Variants in SLC7A10 observed in about 807,000 individuals in gnomAD.
SLC7A10 encodes asc-type amino acid transporter 1.
In SLC7A10, 30 loss-of-function variants were observed where a neutral mutation model predicts 52.7. That is an observed-to-expected ratio of 0.57 (90% CI 0.43 to 0.77). SLC7A10 has a LOEUF of 0.77. SLC7A10 is among the 30% of genes least tolerant of loss of function. The pLI is 0.00. For missense variants in SLC7A10, 581 were observed against 698.5 expected (o/e 0.83, Z 1.90); for synonymous variants, 318 against 314.9 (o/e 1.01, Z -0.10).
At position 33,209,371 on chromosome 19, in the gene SLC7A10, C is replaced by A. The variant is rs369452097; in HGVS notation, c.1378G>T (p.Val460Leu). The A allele has an allele frequency of 6.2e-7, 1 of 1,614,010 alleles. No individual in the cohort carries two copies. The highest frequency in any genetic ancestry group is 8.5e-7 in the Non-Finnish European group (1 of 1,180,002). Residue 460 changes from valine to leucine, a missense_variant, in exon 10 of 11, where the codon GTG becomes TTG. Transcript: ENST00000253188. Reference protein sequence around the residue: ...GVGVIIILTGVPIFFLGVFWR... With the variant: ...GVGVIIILTGLPIFFLGVFWR... ...AACACTCCCAGAAAGAAAATGGGCA[C>A]CCCCGTAAGGATGATGATGACGCCG...
chr19:33,211,444 C>T lies in SLC7A10; in HGVS notation c.882G>A (p.Gln294=), dbSNP rs1451583459. The stretch of plus-strand genomic sequence containing the variant: ...CCACCGCATTGGAGGAGAGCAGCTC[C>T]TGGGGGGACATGGCCGTGAAGTAGG... ...NIAYFTAMSP[Q]ELLSSNAVAV... The change falls in exon 6 of 11, where the codon CAG becomes CAA. Residue 294 remains glutamine, a synonymous_variant. Transcript: ENST00000253188. 1 of 1,614,082 alleles carries T rather than the reference C, an allele frequency of 6.2e-7. No individual in the cohort carries two copies.
At chr19:33,211,159 C>T in intron 7 of SLC7A10, 66 bp downstream of exon 7, 1 of 1,487,812 alleles carries the variant, frequency 6.7e-7, no homozygotes, top group Non-Finnish European at 9.4e-7. Context: ...TGGCCCACGG[C>T]ATGACTGGTG....
intron 5 of SLC7A10, chr19:33,212,008 T>C (rs1974564627): frequency 1.8e-6 from 1 of 555,502 alleles, no homozygotes; most frequent in Non-Finnish European, 3.2e-6. Context: ...TGCATAATTT[T>C]AGGCCAAATG....
At chr19:33,215,104 A>G (rs1182704316) in intron 2 of SLC7A10, among the ~76,000 whole-genome samples, 1 of 151,888 alleles carries the variant, frequency 6.6e-6, no homozygotes, top group Non-Finnish European at 1.5e-5. Flanking sequence ...CGTCTCTACT[A>G]AAAATACAAA....
intron 5 of SLC7A10, chr19:33,211,835 A>G (rs1568389088): frequency 4.0e-6 from 2 of 502,542 alleles, no homozygotes; most frequent in Non-Finnish European, 7.2e-6. Flanking sequence ...ATCAGCCTGG[A>G]AAATTCCCCA....
At position 33,212,494 on chromosome 19, in the gene SLC7A10, T is replaced by C. The variant is rs775195657; in HGVS notation, c.634+20A>G. ...CAGCACCATCTCCCCAGCCCGGCCC[T>C]TACCCCGACTCGGCCCTACCTTGGA... On this transcript the variant is annotated intron_variant, in intron 4 of 10. Transcript: ENST00000253188. 10 of 1,613,842 alleles carry C rather than the reference T, an allele frequency of 6.2e-6. No individual in the cohort carries two copies. Among genetic ancestry groups the C allele is most frequent in the Non-Finnish European group, 8.5e-6 (10 of 1,180,032 alleles).
intron 5 of SLC7A10, chr19:33,211,778 A>G (rs1974560112): frequency 1.6e-6 from 1 of 622,434 alleles, no homozygotes; most frequent in South Asian, 1.9e-5. Context: ...CATCCTGAGG[A>G]CAGGGTCTGA....
At position 33,208,789 on chromosome 19, in the gene SLC7A10, C is replaced by T; in HGVS notation, c.*102G>A. ...GGCTTCTGAGAGTCGTATCTTTTTTCTTTTTTTTCCAGAAAAAAACAAAAC... is the reference window on the plus strand; with the variant it reads ...GGCTTCTGAGAGTCGTATCTTTTTTTTTTTTTTTCCAGAAAAAAACAAAAC... On this transcript the variant is annotated 3_prime_UTR_variant, in exon 11 of 11. Coordinates refer to ENST00000253188, the MANE Select transcript of SLC7A10 (RefSeq NM_019849.3). The surrounding 1 kb of genome is among the most constrained non-coding windows in gnomAD (Gnocchi z 4.7). The T allele has an allele frequency of 4.7e-6, 7 of 1,487,438 alleles. No homozygotes were observed. The highest frequency in any genetic ancestry group is 3.8e-5 in the Admixed American group (2 of 53,264). 92.1% of individuals were successfully genotyped at this position (1,487,438 alleles called of 1,614,324 possible). A position where few individuals can be genotyped will look rare whatever the true frequency, so the allele number is the denominator to read the frequency against.
chr19:33,225,278 C>G (rs1315147407), intron 1 of SLC7A10, among the ~76,000 whole-genome samples: 1 of 152,224 alleles, frequency 6.6e-6, no homozygotes, highest in Non-Finnish European at 1.5e-5. Flanking sequence ...TTGCAAAAGC[C>G]CCGCAGCAAA....
intron 2 of SLC7A10, among the ~76,000 whole-genome samples, chr19:33,214,057 A>G (rs1380241043): frequency 6.6e-6 from 1 of 152,066 alleles, no homozygotes; most frequent in African/African-American, 2.4e-5. Flanking sequence ...CTCCCCTGCC[A>G]GGCATCCCCT....
At chr19:33,211,560 G>A (rs769937859) in intron 5 of SLC7A10, 23 bp from the exon 6 acceptor site, 28 of 1,613,796 alleles carry the variant, frequency 1.7e-5, no homozygotes, top group African/African-American at 9.3e-5. Context: ...AGTGGAGTGC[G>A]TCAGCGTCAG....
chr19:33,212,874 CG>C lies in SLC7A10; in HGVS notation c.484del (p.Arg162GlyfsTer8). On this transcript the variant is annotated frameshift_variant, in exon 3 of 11. Transcript: ENST00000253188. LOFTEE classifies it high-confidence loss of function. Reference sequence around the variant, plus strand: ...ACTCAGGCAGGCCATGGACAGCACCCGGGAGGCTGTGGTGGGGGGGATGCAG... The same window carrying C: ...ACTCAGGCAGGCCATGGACAGCACCCGGAGGCTGTGGTGGGGGGGATGCAG... ...PNCIPPTTASRVLSMACLMLL... is the reference protein window; with the variant it reads ...PNCIPPTTASXVLSMACLMLL... The C allele has an allele frequency of 6.2e-7, 1 of 1,614,008 alleles. No homozygotes were observed. Among genetic ancestry groups the C allele is most frequent in the Non-Finnish European group, 8.5e-7 (1 of 1,179,976 alleles).
chr19:33,215,615 A>C (rs1974657818), intron 2 of SLC7A10, among the ~76,000 whole-genome samples, 154 bp downstream of exon 2: 1 of 91,048 alleles, frequency 1.1e-5, no homozygotes. Context: ...CAGCCCCCAC[A>C]CCTTCTCTCC....
chr19:33,217,664 C>T (rs535173461), intron 1 of SLC7A10, among the ~76,000 whole-genome samples: 14 of 152,196 alleles, frequency 9.2e-5, no homozygotes, highest in Non-Finnish European at 1.6e-4. Context: ...AGCGGGAGCC[C>T]GCCTCCTCCA....
chr19:33,211,931 C>G (rs989464800), intron 5 of SLC7A10: 2 of 476,894 alleles, frequency 4.2e-6, no homozygotes. Flanking sequence ...GGTTTACTGT[C>G]GAGATCCCTG....
Position 33,208,826 on chromosome 19 carries a change from G to A in SLC7A10, c.*65C>T. 3 of 1,502,544 alleles carry A rather than the reference G, an allele frequency of 2.0e-6. No homozygotes were observed. The highest frequency in any genetic ancestry group is 2.3e-5 in the South Asian group (2 of 87,078). 93.1% of individuals were successfully genotyped at this position (1,502,544 alleles called of 1,614,324 possible). A position where few individuals can be genotyped will look rare whatever the true frequency, so the allele number is the denominator to read the frequency against. ...GAAAAAAACAAAACAAAACTTTTTT[G>A]CCAAAACACCTCCTCAATAAACAAC... On this transcript the variant is annotated 3_prime_UTR_variant, in exon 11 of 11. Transcript: ENST00000253188. The surrounding 1 kb of genome is among the most constrained non-coding windows in gnomAD (Gnocchi z 4.7).
In SLC7A10 at chr19:33,215,967, A is replaced by G. The variant is rs1256185976; in HGVS notation, c.158T>C (p.Ile53Thr). The G allele has an allele frequency of 6.3e-7, 1 of 1,585,196 alleles. No individual in the cohort carries two copies. ...CGAGATGAAGATGCCCGAGCCGATG[A>G]TGTTCCCTGCAGGGGGAGAGATGGG... ...LSACTIIIGN[I>T]IGSGIFISPK... Residue 53 changes from isoleucine to threonine, a missense_variant, in exon 2 of 11, where the codon ATC becomes ACC. Coordinates refer to ENST00000253188, the MANE Select transcript of SLC7A10 (RefSeq NM_019849.3).
In SLC7A10 at chr19:33,212,495, T is replaced by C. The variant is rs201893230; in HGVS notation, c.634+19A>G. The stretch of plus-strand genomic sequence containing the variant: ...AGCACCATCTCCCCAGCCCGGCCCT[T>C]ACCCCGACTCGGCCCTACCTTGGAA... On this transcript the variant is annotated intron_variant, in intron 4 of 10. Transcript: ENST00000253188. 1.2e-6 allele frequency: 2 copies of C among 1,613,938 alleles called. No homozygotes were observed. The highest frequency in any genetic ancestry group is 4.5e-5 in the East Asian group (2 of 44,884).
At chr19:33,213,133 C>A in intron 2 of SLC7A10, 131 bp from the exon 3 acceptor site, 5 of 1,232,768 alleles carry the variant, frequency 4.1e-6, no homozygotes, top group African/African-American at 1.5e-5. Flanking sequence ...GAGGCCAGCA[C>A]CGGTCCAGGG....
Sources: allele counts gnomAD v4.1 joint callset (sites outside exome capture counted in the v4.1 genomes callset), GRCh38; gene constraint gnomAD v4.1.1; non-coding constraint Gnocchi (gnomAD v3.1); transcripts MANE v1.5; gene names NCBI Gene and HGNC (gene_info 2026-07-23, HGNC 2026-07-21).